The following TBCD variants were observed in gnomAD, a reference collection of about 807,000 sequenced individuals.
The protein encoded by TBCD is tubulin folding cofactor D, also known as tubulin-specific chaperone D.
A neutral mutation model predicts 169.3 loss-of-function variants in TBCD; 105 were observed. That is an observed-to-expected ratio of 0.62 (90% CI 0.53 to 0.73). The LOEUF (loss-of-function observed/expected upper bound fraction) is 0.73. TBCD is among the 30% of genes least tolerant of loss of function. The pLI is 0.00. For synonymous variants in TBCD, 700 were observed against 643.9 expected, an observed-to-expected ratio of 1.09 and a Z score of -1.32; for missense variants, 1,444 against 1,600.1, an observed-to-expected ratio of 0.90 and a Z score of 1.66.
At chr17:82,802,456 A>C (rs540099467) in intron 9 of TBCD, among the ~76,000 whole-genome samples, 49 of 152,158 alleles carry the variant, frequency 3.2e-4, no homozygotes, top group African/African-American at 1.1e-3. Flanking sequence ...TGCTGTGGGG[A>C]ATGTTCAGTG....
chr17:82,837,250 G>A (rs993131354), intron 13 of TBCD, among the ~76,000 whole-genome samples: 2 of 152,156 alleles, frequency 1.3e-5, no homozygotes, highest in Non-Finnish European at 2.9e-5. Context: ...CAAACCCGAC[G>A]GCCAGTACCT....
intron 6 of TBCD, among the ~76,000 whole-genome samples, chr17:82,778,680 G>A (rs978273081): frequency 1.4e-4 from 21 of 149,494 alleles, no homozygotes; most frequent in Admixed American, 4.0e-4. Flanking sequence ...TGCCCAGGCT[G>A]GAGTGCAGTG....
intron 2 of TBCD, among the ~76,000 whole-genome samples, chr17:82,758,648 C>CTTTTTTTTTTCTT (rs2047573200): frequency 8.7e-6 from 1 of 115,024 alleles, no homozygotes; most frequent in African/African-American, 3.4e-5. Context: ...CACCCTTTTG[C>CTTTTTTTTTTCTT]TTTTTTTTTT....
chr17:82,940,539 C>T (rs2063099686), intron 37 of TBCD, among the ~76,000 whole-genome samples: 1 of 152,222 alleles, frequency 6.6e-6, no homozygotes, highest in Admixed American at 6.5e-5. Flanking sequence ...TCCCATAGAG[C>T]TCACGCACCA....
Position 82,937,242 on chromosome 17 carries a change from C to T in TBCD, c.3192-29C>T, listed in dbSNP as rs759440895. 3.1e-6 allele frequency: 5 copies of T among 1,607,888 alleles called. No homozygotes were observed. In the South Asian group the frequency reaches 3.3e-5, roughly 11 times the overall value. On this transcript the variant is annotated intron_variant, in intron 34 of 38. Transcript: ENST00000355528. The stretch of plus-strand genomic sequence containing the variant: ...CATCCCGGGGCTGCCTGTGAAAGCT[C>T]ATCTCTAAAGTGTGTGTTGTTCTTC...
In TBCD at chr17:82,772,927, C is replaced by G. The variant is rs142969346; in HGVS notation, c.638+420C>G. Among the ~76,000 whole-genome samples, 66 of 152,254 alleles carry G rather than the reference C, an allele frequency of 4.3e-4. No homozygotes were observed. In the South Asian group the frequency reaches 6.4e-3, roughly 15 times the overall value. On this transcript the variant is annotated intron_variant, in intron 6 of 38. Coordinates refer to ENST00000355528, the MANE Select transcript of TBCD (RefSeq NM_005993.5). ...CCAACGTCCTGTATTAACTGCACCC[C>G]CCGTGTGCCCCAGACAGGGGAAGGT...
At chr17:82,796,851 A>G (rs1704774651) in intron 7 of TBCD, among the ~76,000 whole-genome samples, 1 of 152,244 alleles carries the variant, frequency 6.6e-6, no homozygotes, top group African/African-American at 2.4e-5. Flanking sequence ...AGACACCAGT[A>G]TTTAGTGAAA....
chr17:82,908,342 G>GA (rs768261464), intron 21 of TBCD: 24 of 456,666 alleles, frequency 5.3e-5, no homozygotes, highest in South Asian at 2.0e-4. Context: ...AAGTAAAGCA[G>GA]AATTTTGTGT....
In TBCD at chr17:82,944,255, C is replaced by T. The variant is rs925680832; in HGVS notation, c.*1792C>T. 1.5e-5 allele frequency: 2 copies of T among 131,222 alleles called. No individual in the cohort carries two copies. The highest frequency in any genetic ancestry group is 2.5e-5 in the African/African-American group (1 of 39,348). 8.1% of individuals were successfully genotyped at this position (131,222 alleles called of 1,614,324 possible). On this transcript the variant is annotated 3_prime_UTR_variant, in exon 39 of 39. Coordinates refer to ENST00000355528, the MANE Select transcript of TBCD (RefSeq NM_005993.5). ...GCAACCCGAGGAAAGTGGATCACTC[C>T]ACTGGCCACTGCCTCTTTCCCACTG...
Position 82,840,953 on chromosome 17 carries a change from G to GTTTTTTTTTTTTTTTTTTTTTTTTTTTTT in TBCD, c.1318+26019_1318+26020insTTTTTTTTTTTTTTTTTTTTTTTTTTTTT, listed in dbSNP as rs755302623. Reference sequence around the variant, plus strand: ...ACGAGCTGGCCAGGACAGACAAACTGGTTTTTTTTTTTTTTTTTTTTTTTT... The same window carrying GTTTTTTTTTTTTTTTTTTTTTTTTTTTTT: ...ACGAGCTGGCCAGGACAGACAAACTGTTTTTTTTTTTTTTTTTTTTTTTTTTTTTGTTTTTTTTTTTTTTTTTTTTTTTT... On this transcript the variant is annotated intron_variant, in intron 13 of 38. Transcript: ENST00000355528. Among the ~76,000 whole-genome samples, 7 of 70,554 alleles carry GTTTTTTTTTTTTTTTTTTTTTTTTTTTTT rather than the reference G, an allele frequency of 9.9e-5. 3 individuals are homozygous for GTTTTTTTTTTTTTTTTTTTTTTTTTTTTT. The highest frequency in any genetic ancestry group is 1.7e-4 in the African/African-American group (3 of 17,982). 46.3% of individuals were successfully genotyped at this position (70,554 alleles called of 152,430 possible). A position where few individuals can be genotyped will look rare whatever the true frequency, so the allele number is the denominator to read the frequency against.
At position 82,916,992 on chromosome 17, in the gene TBCD, T is replaced by C. The variant is rs920111157; in HGVS notation, c.2039-3564T>C. On this transcript the variant is annotated intron_variant, in intron 23 of 38. Transcript: ENST00000355528. ...CACTCCCTCCTCTGGTTTTGTCTTA[T>C]TCAGTTTGGACTTTTTTTTTTCTTT... Among the ~76,000 whole-genome samples the C allele has an allele frequency of 2.6e-5, 4 of 151,526 alleles. 1 individual carries two copies. Among genetic ancestry groups the C allele is most frequent in the African/African-American group, 4.8e-5 (2 of 41,298 alleles).
chr17:82,927,020 C>T, intron 28 of TBCD, 166 bp from the exon 29 acceptor site: 1 of 951,542 alleles, frequency 1.1e-6, no homozygotes, highest in Non-Finnish European at 1.5e-6. Context: ...AAGCACGTCC[C>T]ACGTTCCATA....
Position 82,780,092 on chromosome 17 carries a change from C to A in TBCD, c.639-1497C>A, listed in dbSNP as rs191174645. 1.0e-2 allele frequency among the ~76,000 whole-genome samples: 1,523 copies of A among 152,312 alleles called. 21 individuals are homozygous for A. The highest frequency in any genetic ancestry group is 0.035 in the African/African-American group (1,448 of 41,568). ...GGCTTGGCCAGTACTGGTCCTGTCCCCAGCACCTCTCCCACTCGGCTGCTC... is the reference window on the plus strand; with the variant it reads ...GGCTTGGCCAGTACTGGTCCTGTCCACAGCACCTCTCCCACTCGGCTGCTC... On this transcript the variant is annotated intron_variant, in intron 6 of 38. Transcript: ENST00000355528.
chr17:82,929,496 C>A lies in TBCD; in HGVS notation c.2987C>A (p.Ser996Ter). The change falls in exon 32 of 39, where the codon TCG (serine) becomes TAG (stop). Residue 996 changes from serine (S) to a stop codon, truncating the protein, a stop_gained. Coordinates refer to ENST00000355528, the MANE Select transcript of TBCD (RefSeq NM_005993.5). LOFTEE classifies it high-confidence loss of function. ...LVVSLGGLTE[S>*]TIRHSTQSLF... ...GTGTCCCTGGGCGGCTTGACGGAGTCGACGGTGAGGAGGCGTCGGGCTGGC... is the reference window on the plus strand; with the variant it reads ...GTGTCCCTGGGCGGCTTGACGGAGTAGACGGTGAGGAGGCGTCGGGCTGGC... 6.2e-7 allele frequency: 1 copy of A among 1,605,788 alleles called. No homozygotes were observed. Among genetic ancestry groups the A allele is most frequent in the Non-Finnish European group, 8.5e-7 (1 of 1,179,854 alleles).
chr17:82,940,217 GCGCGCA>G (rs1374254857), intron 37 of TBCD, among the ~76,000 whole-genome samples: 43 of 101,448 alleles, frequency 4.2e-4, no homozygotes, highest in South Asian at 1.8e-3. Flanking sequence ...TCACTTGCAC[GCGCGCA>G]CACACACACA....
chr17:82,809,022 G>A (rs1420202379), intron 11 of TBCD, among the ~76,000 whole-genome samples: 3 of 151,996 alleles, frequency 2.0e-5, no homozygotes, highest in Non-Finnish European at 4.4e-5. Flanking sequence ...TCTCCCATGC[G>A]TCTGTGCTGG....
At chr17:82,803,817 G>A (rs369902402) in intron 9 of TBCD, among the ~76,000 whole-genome samples, 87 of 152,086 alleles carry the variant, frequency 5.7e-4, no homozygotes, top group Admixed American at 4.3e-3. Context: ...GCTGAGCTGC[G>A]CGCTTGCGTG....
chr17:82,898,675 GT>G (rs1052366446), intron 17 of TBCD, among the ~76,000 whole-genome samples: 1 of 151,918 alleles, frequency 6.6e-6, no homozygotes, highest in African/African-American at 2.4e-5. Context: ...TGTTTTTGGT[GT>G]TTTCCTGGTA....
intron 22 of TBCD, among the ~76,000 whole-genome samples, chr17:82,911,529 TA>T (rs2060642141): frequency 2.0e-5 from 3 of 152,326 alleles, no homozygotes; most frequent in Non-Finnish European, 4.4e-5. Context: ...GAATGTCCAG[TA>T]AAAATTAAAA....
Sources: allele counts gnomAD v4.1 joint callset (sites outside exome capture counted in the v4.1 genomes callset), GRCh38; gene constraint gnomAD v4.1.1; transcripts MANE v1.5; gene names NCBI Gene and HGNC (gene_info 2026-07-23, HGNC 2026-07-21).